ABI3BP: variants seen among roughly 807,000 people sequenced by gnomAD.
ABI3BP encodes the protein ABI family member 3 binding protein.
A neutral mutation model predicts 268.6 loss-of-function variants in ABI3BP; 216 were observed. The ratio of observed to expected loss-of-function variants is 0.80; its 90% CI spans 0.72 to 0.90. The LOEUF (loss-of-function observed/expected upper bound fraction) is 0.90. Among genes scored for constraint, ABI3BP ranks in the 40% least tolerant of loss-of-function variants. The probability of loss-of-function intolerance (pLI) is 0.00; values close to 1 mark genes in which losing one functional copy is unlikely to be tolerated. For synonymous variants in ABI3BP, 730 were observed against 730.0 expected (o/e 1.00, Z 0.00); for missense variants, 2,090 against 2,182.4 (o/e 0.96, Z 0.84).
At chr3:100,892,891 G>A (rs946540384) in intron 4 of ABI3BP, among the ~76,000 whole-genome samples, 3 of 152,152 alleles carry the variant, frequency 2.0e-5, no homozygotes, top group Non-Finnish European at 4.4e-5. Context: ...GAAAAGGAAA[G>A]GTGTGATGGT....
At chr3:100,808,267 G>A in intron 49 of ABI3BP, 32 bp from the exon 50 acceptor site, 2 of 1,550,230 alleles carry the variant, frequency 1.3e-6, no homozygotes, top group East Asian at 2.3e-5. Flanking sequence ...CGGAAATCTT[G>A]AGCCCTTCAA....
chr3:100,916,703 A>G (rs1175135009), intron 2 of ABI3BP, among the ~76,000 whole-genome samples: 1 of 152,196 alleles, frequency 6.6e-6, no homozygotes, highest in African/African-American at 2.4e-5. Flanking sequence ...GCATTTGACC[A>G]TCTATGTGCC....
At chr3:100,804,218 A>T (rs914793152) in intron 51 of ABI3BP, among the ~76,000 whole-genome samples, 3 of 152,194 alleles carry the variant, frequency 2.0e-5, no homozygotes, top group African/African-American at 4.8e-5. Context: ...TACCTTCCCC[A>T]TATGTGAACA....
chr3:100,789,294 TG>T (rs1482596229), intron 56 of ABI3BP, among the ~76,000 whole-genome samples, 159 bp downstream of exon 56: 2 of 152,132 alleles, frequency 1.3e-5, no homozygotes, highest in East Asian at 3.9e-4. Flanking sequence ...GTCACATTTA[TG>T]GATTCATCAA....
intron 12 of ABI3BP, chr3:100,863,194 C>A: frequency 3.6e-6 from 1 of 274,902 alleles, no homozygotes; most frequent in Non-Finnish European, 6.7e-6. Context: ...TATGTGTGTT[C>A]TTAAATATAT....
chr3:100,752,777 CT>C lies in ABI3BP; in HGVS notation c.5122+9del. On this transcript the variant is annotated intron_variant, in intron 66 of 67. Coordinates refer to ENST00000471714, the MANE Select transcript of ABI3BP (RefSeq NM_001375547.2). Reference sequence around the variant, plus strand: ...TAAGGGCTGAAAACAGAGCTGGTAGCTCTGCTTACCTGTGAGGGAGTCGCTC... The same window carrying C: ...TAAGGGCTGAAAACAGAGCTGGTAGCCTGCTTACCTGTGAGGGAGTCGCTC... The C allele has an allele frequency of 6.2e-7, 1 of 1,611,542 alleles. No homozygotes were observed. The highest frequency in any genetic ancestry group is 8.5e-7 in the Non-Finnish European group (1 of 1,179,240).
Position 100,917,238 on chromosome 3 carries a change from C to T in ABI3BP, c.259+9064G>A, listed in dbSNP as rs116950454. Among the ~76,000 whole-genome samples the T allele has an allele frequency of 5.7e-4, 86 of 152,180 alleles. No individual in the cohort carries two copies. In the East Asian group the frequency reaches 0.014, roughly 25 times the overall value. On this transcript the variant is annotated intron_variant, in intron 2 of 67. Transcript: ENST00000471714. ...TTACTATTTTGCTGGTGAGACATGA[C>T]ACAGAAGAAACACACACACGACAAA...
At chr3:100,823,695 T>A (rs550190755) in intron 36 of ABI3BP, among the ~76,000 whole-genome samples, 181 bp from the exon 37 acceptor site, 1 of 152,310 alleles carries the variant, frequency 6.6e-6, no homozygotes, top group Non-Finnish European at 1.5e-5. Flanking sequence ...ACTATAGGCA[T>A]GGTGAGTCTC....
chr3:100,913,329 C>G lies in ABI3BP; in HGVS notation c.260-10643G>C, dbSNP rs199638737. ...TTGTTGATGCCATCACTCCACAGGA[C>G]AGAATCAATAACGACTACAGAAAAC... On this transcript the variant is annotated intron_variant, in intron 2 of 67. Coordinates refer to ENST00000471714, the MANE Select transcript of ABI3BP (RefSeq NM_001375547.2). 2.6e-5 allele frequency among the ~76,000 whole-genome samples: 4 copies of G among 152,142 alleles called. No individual in the cohort carries two copies. In the East Asian group the frequency reaches 7.7e-4, roughly 29 times the overall value.
chr3:100,775,290 G>A lies in ABI3BP; in HGVS notation c.4379C>T (p.Thr1460Ile), dbSNP rs1290718214. The stretch of plus-strand genomic sequence containing the variant: ...CAAGGGAGTTCCAGTAGGCCTGGGT[G>A]TTGACCTCAGGGGTGGTGTAGTTAT... ...GPITTPPLRS[T>I]PRPTGTPLER... is the part of the protein sequence containing the mutation. Residue 1460 changes from threonine (T) to isoleucine (I), a missense_variant, in exon 60 of 68, where the codon ACA becomes ATA. Thr to Ile is a moderately conservative substitution (Grantham distance 89). Transcript: ENST00000471714. The A allele has an allele frequency of 3.1e-6, 5 of 1,609,236 alleles. No individual in the cohort carries two copies. Among genetic ancestry groups the A allele is most frequent in the Non-Finnish European group, 4.2e-6 (5 of 1,177,578 alleles).
intron 4 of ABI3BP, among the ~76,000 whole-genome samples, chr3:100,894,661 C>T (rs1297240669): frequency 6.6e-6 from 1 of 151,940 alleles, no homozygotes; most frequent in African/African-American, 2.4e-5. Context: ...TAAACACGGC[C>T]GGGCGCGGTG....
At chr3:100,803,516 T>C (rs1482517709) in intron 51 of ABI3BP, among the ~76,000 whole-genome samples, 4 of 145,748 alleles carry the variant, frequency 2.7e-5, no homozygotes, top group African/African-American at 9.7e-5. Context: ...TCTTAGGTAC[T>C]CACCACCTGG....
chr3:100,926,521 C>T, intron 1 of ABI3BP, 40 bp from the exon 2 acceptor site: 1 of 1,576,286 alleles, frequency 6.3e-7, no homozygotes, highest in South Asian at 1.1e-5. Context: ...TGTTACTTCC[C>T]CTTTTTAGCA....
rs761678762 is a variant in ABI3BP, at chr3:100,770,664, T to C, written c.4741+79A>G. ...CCCAGGTATGCTTCACATGTCAACG[T>C]TGACCCAGGGTACCCCACTCCCAGG... On this transcript the variant is annotated intron_variant, in intron 62 of 67. Coordinates refer to ENST00000471714, the MANE Select transcript of ABI3BP (RefSeq NM_001375547.2). The C allele has an allele frequency of 3.0e-6, 4 of 1,324,964 alleles. No homozygotes were observed. The East Asian group carries it at 8.2e-5, about 27-fold the overall frequency. The allele number at this position is 1,324,964 out of a possible 1,614,324, so 82.1% of individuals were successfully genotyped here.
chr3:100,833,255 T>A, intron 29 of ABI3BP, 98 bp from the exon 30 acceptor site: 1 of 1,138,734 alleles, frequency 8.8e-7, no homozygotes, highest in Non-Finnish European at 1.3e-6. Flanking sequence ...TTTACCATTA[T>A]AGCGTTGGTT....
intron 1 of ABI3BP, among the ~76,000 whole-genome samples, chr3:100,940,519 C>G (rs2068493585): frequency 6.6e-6 from 1 of 151,478 alleles, no homozygotes; most frequent in Non-Finnish European, 1.5e-5. Flanking sequence ...AAAGGCCATG[C>G]AAAAATAGTT....
chr3:100,841,539 C>T (rs973653854), intron 21 of ABI3BP, among the ~76,000 whole-genome samples: 10 of 151,980 alleles, frequency 6.6e-5, no homozygotes, highest in African/African-American at 2.4e-4. Context: ...AAGTCAAGCA[C>T]AGGCTGAGAG....
rs151332962 is a variant in ABI3BP at position 100,943,912 on chromosome 3, C to A, written c.80-17431G>T. Among the ~76,000 whole-genome samples, 407 of 152,050 alleles carry A rather than the reference C, an allele frequency of 2.7e-3. 1 individual carries two copies. Among genetic ancestry groups the A allele is most frequent in the African/African-American group, 9.2e-3 (382 of 41,484 alleles). On this transcript the variant is annotated intron_variant, in intron 1 of 67. Coordinates refer to ENST00000471714, the MANE Select transcript of ABI3BP (RefSeq NM_001375547.2). ...ATTATATATGTATATTTCTAATTTT[C>A]CAGATTATTTACTTATAATGCTATT...
intron 63 of ABI3BP, among the ~76,000 whole-genome samples, chr3:100,757,276 G>A (rs1158118612): frequency 2.0e-5 from 3 of 151,856 alleles, no homozygotes; most frequent in Non-Finnish European, 2.9e-5. Flanking sequence ...AAAGACAAGA[G>A]TTTCCAGATT....
Sources: gnomAD v4.1 joint callset for allele counts (sites outside exome capture counted in the v4.1 genomes callset) on GRCh38, gnomAD v4.1.1 for gene constraint, MANE v1.5 for transcripts, NCBI Gene and HGNC (gene_info 2026-07-23, HGNC 2026-07-21) for gene names.